TNFSF4: variants seen among roughly 807,000 people sequenced by gnomAD.
TNFSF4 encodes the protein tumor necrosis factor ligand superfamily member 4.
A neutral mutation model predicts 7.3 loss-of-function variants in TNFSF4; 4 were observed. The ratio of observed to expected loss-of-function variants is 0.55; its 90% confidence interval spans 0.27 to 1.25. The LOEUF (loss-of-function observed/expected upper bound fraction) is 1.25. TNFSF4 is among the 50% of genes most tolerant of loss of function. TNFSF4 has a pLI of 0.12. For synonymous variants in TNFSF4, 76 were observed against 83.7 expected (o/e 0.91, Z 0.50); for missense variants, 181 against 208.8 (o/e 0.87, Z 0.82).
At chr1:173,330,957 T>A in the TNFSF4 span, among the ~76,000 whole-genome samples, 1 of 151,456 alleles carries the variant, frequency 6.6e-6, no homozygotes, top group South Asian at 2.1e-4. Flanking sequence ...CGATCTCGGC[T>A]CACTGCAACC....
chr1:173,351,875 C>A, the TNFSF4 span: 4 of 594,326 alleles, frequency 6.7e-6, no homozygotes, highest in African/African-American at 1.9e-5. Flanking sequence ...GCATTCACCC[C>A]AGCAAGGCGG....
the TNFSF4 span, among the ~76,000 whole-genome samples, chr1:173,216,628 T>C: frequency 2.0e-5 from 3 of 152,122 alleles, no homozygotes; most frequent in African/African-American, 7.2e-5. Context: ...CTCTCTCTCT[T>C]TTTGGAGGTA....
chr1:173,365,714 C>T, the TNFSF4 span, among the ~76,000 whole-genome samples: 2 of 152,110 alleles, frequency 1.3e-5, no homozygotes, highest in African/African-American at 2.4e-5. Context: ...AATCATCAAA[C>T]AAGCTAAGAG....
In TNFSF4 at chr1:173,184,214, A is replaced by G. The variant is rs1294464183; in HGVS notation, c.*2302T>C. The G allele has an allele frequency of 1.3e-5, 2 of 152,250 alleles. No homozygotes were observed. The highest frequency in any genetic ancestry group is 3.8e-4 in the East Asian group (2 of 5,202). The allele number at this position is 152,250 out of a possible 1,614,324, so 9.4% of individuals were successfully genotyped here. ...TGGGAAATGACTTTCCCAAGGTTAC[A>G]TGGCTAGTTAGTGGCTAAGTCAAAT... On this transcript the variant is annotated 3_prime_UTR_variant, in exon 3 of 3. Transcript: ENST00000281834.
the TNFSF4 span, among the ~76,000 whole-genome samples, chr1:173,354,240 G>A: frequency 6.6e-6 from 1 of 152,104 alleles, no homozygotes; most frequent in Non-Finnish European, 1.5e-5. Context: ...AGAAAATCTG[G>A]AAGAAAAAGA....
chr1:173,442,945 A>G, the TNFSF4 span, among the ~76,000 whole-genome samples: 2 of 151,964 alleles, frequency 1.3e-5, no homozygotes. Context: ...TCACCCTCCC[A>G]AAGTGCTGGG....
At chr1:173,300,574 G>A in the TNFSF4 span, among the ~76,000 whole-genome samples, 1 of 151,786 alleles carries the variant, frequency 6.6e-6, no homozygotes, top group African/African-American at 2.4e-5. Flanking sequence ...GGATTTTGTT[G>A]ATCACTGGAT....
the TNFSF4 span, among the ~76,000 whole-genome samples, chr1:173,266,278 A>G: frequency 6.6e-6 from 1 of 152,156 alleles, no homozygotes; most frequent in Non-Finnish European, 1.5e-5. Context: ...TTGCAAACAT[A>G]CAGTTTGAGA....
At chr1:173,313,803 C>A in the TNFSF4 span, among the ~76,000 whole-genome samples, 1 of 152,070 alleles carries the variant, frequency 6.6e-6, no homozygotes, top group Non-Finnish European at 1.5e-5. Flanking sequence ...TTATTTGGAA[C>A]TGTCTAGTCA....
chr1:173,175,099 T>C, the TNFSF4 span: 2 of 152,208 alleles, frequency 1.3e-5, no homozygotes, highest in Non-Finnish European at 2.9e-5. Context: ...CTTGAAAATG[T>C]CATAATCTGT....
the TNFSF4 span, among the ~76,000 whole-genome samples, chr1:173,438,088 A>C: frequency 2.0e-5 from 3 of 152,146 alleles, no homozygotes; most frequent in Admixed American, 2.0e-4. Flanking sequence ...GTCCCCCAGT[A>C]AAAACAAATA....
At chr1:173,344,746 C>T in the TNFSF4 span, among the ~76,000 whole-genome samples, 4 of 152,182 alleles carry the variant, frequency 2.6e-5, no homozygotes, top group Admixed American at 6.5e-5. Flanking sequence ...AAGTTCATTA[C>T]GAGAGGACAA....
the TNFSF4 span, among the ~76,000 whole-genome samples, chr1:173,269,336 T>C: frequency 2.0e-5 from 3 of 152,134 alleles, no homozygotes; most frequent in Admixed American, 2.0e-4. Flanking sequence ...TCTTTTTACT[T>C]CTTCACAGTT....
At chr1:173,319,823 A>AC in the TNFSF4 span, among the ~76,000 whole-genome samples, 25 of 151,724 alleles carry the variant, frequency 1.6e-4, no homozygotes, top group East Asian at 2.3e-3. Context: ...AACAAAGAAG[A>AC]CCCCCCCACA....
the TNFSF4 span, among the ~76,000 whole-genome samples, chr1:173,422,248 C>A: frequency 7.2e-6 from 1 of 139,194 alleles, no homozygotes; most frequent in Non-Finnish European, 1.5e-5. Context: ...TCTAGAGACC[C>A]AGAAATGGCT....
the TNFSF4 span, among the ~76,000 whole-genome samples, chr1:173,422,717 G>A: frequency 6.6e-5 from 10 of 152,296 alleles, no homozygotes; most frequent in Non-Finnish European, 1.5e-4. Context: ...AGAGGAGGGG[G>A]AGACAATTCA....
At chr1:173,239,682 G>A in the TNFSF4 span, among the ~76,000 whole-genome samples, 19 of 152,252 alleles carry the variant, frequency 1.2e-4, no homozygotes, top group Admixed American at 1.2e-3. Flanking sequence ...ATATCATGAT[G>A]TCCTCAGTGT....
chr1:173,215,230 G>T, the TNFSF4 span, among the ~76,000 whole-genome samples: 10 of 152,180 alleles, frequency 6.6e-5, no homozygotes, highest in Admixed American at 5.9e-4. Flanking sequence ...ACCCAACCAT[G>T]TTGGCACACT....
At chr1:173,257,141 C>G in the TNFSF4 span, among the ~76,000 whole-genome samples, 21 of 152,236 alleles carry the variant, frequency 1.4e-4, no homozygotes, top group African/African-American at 5.1e-4. Context: ...AAGAAAGAAA[C>G]TCTTTCGTAT....
Sources: gnomAD v4.1 joint callset for allele counts (sites outside exome capture counted in the v4.1 genomes callset) on GRCh38, gnomAD v4.1.1 for gene constraint, MANE v1.5 for transcripts, NCBI Gene and HGNC (gene_info 2026-07-23, HGNC 2026-07-21) for gene names.